The following MED13L variants were observed in gnomAD, a reference collection of about 807,000 sequenced individuals.
The protein encoded by MED13L is mediator complex subunit 13L.
MED13L carries 7 observed loss-of-function variants against 220.9 expected under a neutral mutation model. The observed-to-expected ratio is 0.03, with a 90% CI of 0.02 to 0.06. The LOEUF is 0.06. Among genes scored for constraint, MED13L ranks in the 10% least tolerant of loss-of-function variants. The pLI is 1.00. For synonymous variants in MED13L, 1,011 were observed against 1,015.2 expected (o/e 1.00, Z 0.08); for missense variants, 1,965 against 2,760.5 (o/e 0.71, Z 6.46).
chr12:116,121,658 A>G (rs1014304355), intron 2 of MED13L, among the ~76,000 whole-genome samples: 8 of 152,204 alleles, frequency 5.3e-5, no homozygotes, highest in Non-Finnish European at 7.4e-5. Flanking sequence ...CAAAGAATAC[A>G]TATTTCCTCT....
At chr12:116,276,471 T>C (rs1274567461) in intron 1 of MED13L, 7 of 1,288,640 alleles carry the variant, frequency 5.4e-6, no homozygotes, top group South Asian at 4.9e-5. Context: ...CTCTCCAGCA[T>C]AGTAAGCCCC....
intron 2 of MED13L, among the ~76,000 whole-genome samples, chr12:116,215,842 A>C (rs763917575): frequency 6.6e-6 from 1 of 152,134 alleles, no homozygotes; most frequent in Non-Finnish European, 1.5e-5. Flanking sequence ...CTTACCATCA[A>C]TGTCCCAGCC....
At chr12:116,252,092 G>A (rs1403229509) in intron 1 of MED13L, among the ~76,000 whole-genome samples, 1 of 151,956 alleles carries the variant, frequency 6.6e-6, no homozygotes, top group Non-Finnish European at 1.5e-5. Flanking sequence ...ATTATAATTG[G>A]AGACTTCAAT....
At chr12:116,020,523 A>G (rs964656995) in intron 5 of MED13L, among the ~76,000 whole-genome samples, 3 of 152,198 alleles carry the variant, frequency 2.0e-5, no homozygotes, top group Non-Finnish European at 2.9e-5. Context: ...TATAAATGAA[A>G]TTTCTAACAG....
At chr12:115,979,576 C>T (rs1592909801) in intron 23 of MED13L, among the ~76,000 whole-genome samples, 2 of 152,198 alleles carry the variant, frequency 1.3e-5, no homozygotes, top group Admixed American at 6.5e-5. Context: ...CACCAAGTTA[C>T]AACAAACACA....
At chr12:116,100,921 AAAC>A (rs1343599552) in intron 3 of MED13L, among the ~76,000 whole-genome samples, 5 of 152,128 alleles carry the variant, frequency 3.3e-5, no homozygotes, top group African/African-American at 4.8e-5. Context: ...CTCAAAAACA[AAAC>A]AACAACAACA....
intron 9 of MED13L, among the ~76,000 whole-genome samples, chr12:116,009,969 G>A (rs1879293122): frequency 6.6e-6 from 1 of 152,154 alleles, no homozygotes. Context: ...GGAAAAATAT[G>A]AGGTCTCCTG....
intron 4 of MED13L, among the ~76,000 whole-genome samples, chr12:116,087,601 G>C (rs930516684): frequency 6.6e-6 from 1 of 152,078 alleles, no homozygotes; most frequent in African/African-American, 2.4e-5. Flanking sequence ...AGCACACTAC[G>C]AATCAAACAG....
At chr12:116,132,507 C>A (rs1415784841) in intron 2 of MED13L, among the ~76,000 whole-genome samples, 1 of 152,056 alleles carries the variant, frequency 6.6e-6, no homozygotes, top group Admixed American at 6.6e-5. Context: ...AAATGTCCTA[C>A]ACTCAAACTA....
rs184447675 is a variant in MED13L at position 116,020,870 on chromosome 12, A to T, written c.626-898T>A. 3.9e-5 allele frequency among the ~76,000 whole-genome samples: 6 copies of T among 152,212 alleles called. No individual in the cohort carries two copies. The East Asian group carries it at 1.2e-3, about 29-fold the overall frequency. ...AAAACTCAGCATGGTCATTAAACGGAATGTCTTTTTTTTAATTTTTTTAAA... is the reference window on the plus strand; with the variant it reads ...AAAACTCAGCATGGTCATTAAACGGTATGTCTTTTTTTTAATTTTTTTAAA... On this transcript the variant is annotated intron_variant, in intron 5 of 30. Transcript: ENST00000281928.
chr12:116,264,235 GA>G (rs1211513564), intron 1 of MED13L, among the ~76,000 whole-genome samples: 1 of 152,010 alleles, frequency 6.6e-6, no homozygotes, highest in Non-Finnish European at 1.5e-5. Flanking sequence ...AATTCCAAAG[GA>G]AAAGGACAAA....
At chr12:116,139,822 T>C (rs1378338117) in intron 2 of MED13L, among the ~76,000 whole-genome samples, 1 of 151,878 alleles carries the variant, frequency 6.6e-6, no homozygotes, top group African/African-American at 2.4e-5. Flanking sequence ...ATACAAAATT[T>C]AGCCAGGCAT....
At chr12:116,262,537 A>T (rs2138562319) in intron 1 of MED13L, among the ~76,000 whole-genome samples, 1 of 152,346 alleles carries the variant, frequency 6.6e-6, no homozygotes, top group South Asian at 2.1e-4. Flanking sequence ...AAGTTACTTT[A>T]GAAGATAAAC....
At chr12:116,171,128 G>A (rs1879654458) in intron 2 of MED13L, among the ~76,000 whole-genome samples, 1 of 152,162 alleles carries the variant, frequency 6.6e-6, no homozygotes, top group African/African-American at 2.4e-5. Flanking sequence ...TGACTTGTGG[G>A]ATCTCCCGAA....
intron 2 of MED13L, chr12:116,174,485 T>G (rs1299629059): frequency 6.6e-6 from 1 of 151,580 alleles, no homozygotes; most frequent in Non-Finnish European, 1.5e-5. Flanking sequence ...CGTTTTTGTT[T>G]TGTTTTTTTT....
intron 2 of MED13L, among the ~76,000 whole-genome samples, chr12:116,200,643 A>C (rs1050462203): frequency 1.3e-5 from 2 of 152,180 alleles, no homozygotes; most frequent in African/African-American, 2.4e-5. Flanking sequence ...ACAATAATCA[A>C]AGCGTTCTGG....
At position 116,245,891 on chromosome 12, in the gene MED13L, T is replaced by C. The variant is rs374097124; in HGVS notation, c.73-8186A>G. On this transcript the variant is annotated intron_variant, in intron 1 of 30. Transcript: ENST00000281928. ...ATAACAATTTCCCAGAAAAACAGAA[T>C]GTGAATTTCTAGATTGAAAGAGCTC... Among the ~76,000 whole-genome samples, 8 of 152,074 alleles carry C rather than the reference T, an allele frequency of 5.3e-5. No individual in the cohort carries two copies. The East Asian group carries it at 1.2e-3, about 22-fold the overall frequency.
chr12:116,118,458 C>T (rs1258872961), intron 2 of MED13L, among the ~76,000 whole-genome samples: 2 of 151,974 alleles, frequency 1.3e-5, no homozygotes, highest in African/African-American at 4.8e-5. Context: ...ACTAAAGATT[C>T]AAGAATAATC....
Position 116,019,976 on chromosome 12 carries a change from T to C in MED13L, c.626-4A>G, listed in dbSNP as rs768048151. 130 of 1,611,910 alleles carry C rather than the reference T, an allele frequency of 8.1e-5. No homozygotes were observed. The Middle Eastern group carries it at 9.9e-4, about 12-fold the overall frequency. On this transcript the variant is annotated splice_polypyrimidine_tract_variant and splice_region_variant and intron_variant, in intron 5 of 30. Coordinates refer to ENST00000281928, the MANE Select transcript of MED13L (RefSeq NM_015335.5). Reference sequence around the variant, plus strand: ...AAGCCATAAGGACTTACCAGTACTATGGAGGGGAGGAGAAATACATGCTAA... The same window carrying C: ...AAGCCATAAGGACTTACCAGTACTACGGAGGGGAGGAGAAATACATGCTAA...
Sources: gnomAD v4.1 joint callset for allele counts (sites outside exome capture counted in the v4.1 genomes callset) on GRCh38, gnomAD v4.1.1 for gene constraint, MANE v1.5 for transcripts, NCBI Gene and HGNC (gene_info 2026-07-23, HGNC 2026-07-21) for gene names.